Variants in ACOXL observed in about 807,000 individuals in gnomAD.
The protein encoded by ACOXL is acyl-CoA oxidase like.
In ACOXL, 70 loss-of-function variants were observed where a neutral mutation model predicts 71.9. That is an observed-to-expected ratio of 0.97 (90% CI 0.80 to 1.19). ACOXL has a LOEUF of 1.19. Ranked by LOEUF, ACOXL falls within the 50% of genes most tolerant of loss-of-function variation. The pLI, the probability that ACOXL is intolerant of heterozygous loss-of-function variation, is 0.00. For synonymous variants in ACOXL, 253 were observed against 281.6 expected, an observed-to-expected ratio of 0.90 and a Z score of 1.02; for missense variants, 703 against 736.3, an observed-to-expected ratio of 0.95 and a Z score of 0.52.
intron 1 of ACOXL, among the ~76,000 whole-genome samples, chr2:110,760,206 C>A (rs183357295): frequency 5.1e-4 from 77 of 150,316 alleles, no homozygotes; most frequent in Admixed American, 4.2e-3. Flanking sequence ...GTGGTGCAAT[C>A]TCGGCTCACT....
chr2:111,046,145 C>T lies in ACOXL; in HGVS notation c.1370-3073C>T, dbSNP rs560838168. On this transcript the variant is annotated intron_variant, in intron 15 of 17. Transcript: ENST00000439055. ...GGGGAGACTTAGAGAAATCTTTGTA[C>T]AGGAACCTAAGATGGAGTGCAGACT... 1.8e-4 allele frequency among the ~76,000 whole-genome samples: 28 copies of T among 152,344 alleles called. No homozygotes were observed. In the East Asian group the frequency reaches 5.4e-3, roughly 29 times the overall value.
chr2:111,078,213 G>T (rs973915304), intron 16 of ACOXL, among the ~76,000 whole-genome samples: 8 of 151,804 alleles, frequency 5.3e-5, no homozygotes, highest in African/African-American at 1.9e-4. Flanking sequence ...TTTTAATCAG[G>T]TTACTTTTCA....
At chr2:110,855,252 G>C (rs1693094837) in intron 10 of ACOXL, among the ~76,000 whole-genome samples, 1 of 152,246 alleles carries the variant, frequency 6.6e-6, no homozygotes, top group Admixed American at 6.5e-5. Context: ...GGAGACATCA[G>C]TGTGCAATGC....
At chr2:110,781,573 T>G (rs1348560593) in intron 2 of ACOXL, among the ~76,000 whole-genome samples, 2 of 151,178 alleles carry the variant, frequency 1.3e-5, no homozygotes, top group African/African-American at 4.9e-5. Flanking sequence ...CCCTGGGAGG[T>G]GGAGGTTGCA....
Position 110,741,647 on chromosome 2 carries a change from G to A in ACOXL, c.-23+8873G>A, listed in dbSNP as rs148439787. On this transcript the variant is annotated intron_variant, in intron 1 of 17. Coordinates refer to ENST00000439055, the MANE Select transcript of ACOXL (RefSeq NM_001142807.4). ...GAAAGTCATTTCTTGAGAAGTGCTG[G>A]ATCCCCAAGCCTAGCACAGTGGTTG... 3.7e-3 allele frequency among the ~76,000 whole-genome samples: 571 copies of A among 152,270 alleles called. 1 individual carries two copies. Among genetic ancestry groups the A allele is most frequent in the Non-Finnish European group, 6.9e-3 (467 of 68,028 alleles).
chr2:111,005,961 T>TA (rs1025145223), intron 14 of ACOXL, among the ~76,000 whole-genome samples: 24 of 152,206 alleles, frequency 1.6e-4, no homozygotes, highest in African/African-American at 5.8e-4. Context: ...CTGTGTTTGT[T>TA]ACGTTTTTAA....
At chr2:110,869,448 G>C (rs182642641) in intron 10 of ACOXL, among the ~76,000 whole-genome samples, 1 of 152,324 alleles carries the variant, frequency 6.6e-6, no homozygotes, top group Non-Finnish European at 1.5e-5. Context: ...TTAACCTTCT[G>C]TTTGGAGGCT....
intron 9 of ACOXL, among the ~76,000 whole-genome samples, chr2:110,811,730 T>TAC (rs780039810): frequency 0.083 from 8,380 of 101,494 alleles, 464 homozygotes; most frequent in Middle Eastern, 0.11. Flanking sequence ...TTTTTTTGCA[T>TAC]ACACACACAC....
At chr2:110,890,024 A>G (rs1697763413) in intron 10 of ACOXL, among the ~76,000 whole-genome samples, 1 of 152,206 alleles carries the variant, frequency 6.6e-6, no homozygotes, top group Admixed American at 6.5e-5. Flanking sequence ...GTATCTGATT[A>G]GGATTTTGAT....
rs760791943 is a variant in ACOXL, at chr2:110,801,719, G to C, written c.615G>C (p.Leu205=). 1 of 1,613,568 alleles carries C rather than the reference G, an allele frequency of 6.2e-7. No homozygotes were observed. Among genetic ancestry groups the C allele is most frequent in the East Asian group, 2.2e-5 (1 of 44,902 alleles). The change falls in exon 8 of 18, where the codon CTG becomes CTC. Residue 205 remains leucine, a synonymous_variant. Coordinates refer to ENST00000439055, the MANE Select transcript of ACOXL (RefSeq NM_001142807.4). ...DKVRIPRENL[L]DKFGSVAPDG... is the part of the protein sequence containing the mutation. ...TTCGGATACCCAGGGAGAACCTGCT[G>C]GATAAGTGAGTAGTTTCTCCTTAAC...
chr2:111,091,818 G>A (rs746100336), intron 16 of ACOXL, among the ~76,000 whole-genome samples: 2 of 152,124 alleles, frequency 1.3e-5, no homozygotes, highest in Non-Finnish European at 2.9e-5. Context: ...AATAGTTGAG[G>A]CTCCTCATAA....
chr2:111,082,090 C>G (rs1036945779), intron 16 of ACOXL, among the ~76,000 whole-genome samples: 1 of 152,162 alleles, frequency 6.6e-6, no homozygotes, highest in African/African-American at 2.4e-5. Flanking sequence ...TAGGCAATAG[C>G]ATTCAGGACA....
At chr2:110,764,674 G>A (rs753212633) in intron 1 of ACOXL, among the ~76,000 whole-genome samples, 7 of 152,132 alleles carry the variant, frequency 4.6e-5, no homozygotes, top group South Asian at 2.1e-4. Context: ...GGTAATGTAC[G>A]TTCATCAGCT....
At chr2:110,811,727 G>GCACACA (rs755379222) in intron 9 of ACOXL, among the ~76,000 whole-genome samples, 2 of 29,294 alleles carry the variant, frequency 6.8e-5, no homozygotes, top group Middle Eastern at 0.019. Context: ...TGTTTTTTTT[G>GCACACA]CATACACACA....
intron 11 of ACOXL, among the ~76,000 whole-genome samples, chr2:110,918,879 T>C (rs1159671630): frequency 5.3e-5 from 8 of 152,150 alleles, no homozygotes; most frequent in African/African-American, 1.4e-4. Context: ...GTTAGAATGG[T>C]GATCATTAAA....
At chr2:111,022,827 C>G (rs1309481803) in intron 14 of ACOXL, among the ~76,000 whole-genome samples, 1 of 152,052 alleles carries the variant, frequency 6.6e-6, no homozygotes, top group Non-Finnish European at 1.5e-5. Flanking sequence ...ACTGGCGACA[C>G]TTACTACAGA....
rs1363442138 is a variant in ACOXL, at chr2:110,999,941, A to G, written c.1281+3937A>G. ...CCAGGCTTCAGAAACTGTGTGCATA[A>G]TGAACACTTGGTGTAATCCACTAGG... On this transcript the variant is annotated intron_variant, in intron 14 of 17. Coordinates refer to ENST00000439055, the MANE Select transcript of ACOXL (RefSeq NM_001142807.4). Among the ~76,000 whole-genome samples the G allele has an allele frequency of 1.1e-4, 16 of 152,330 alleles. No homozygotes were observed. The East Asian group carries it at 2.9e-3, about 28-fold the overall frequency.
At chr2:110,750,834 C>T (rs562299282) in intron 1 of ACOXL, among the ~76,000 whole-genome samples, 1 of 151,832 alleles carries the variant, frequency 6.6e-6, no homozygotes, top group South Asian at 2.1e-4. Context: ...GTAGCTGAGA[C>T]TACAGGTGCC....
At chr2:110,849,704 G>C (rs1303928622) in intron 10 of ACOXL, among the ~76,000 whole-genome samples, 1 of 152,204 alleles carries the variant, frequency 6.6e-6, no homozygotes, top group Non-Finnish European at 1.5e-5. Context: ...GTTGCAGTGA[G>C]CCGCGATTGC....
Sources: allele counts gnomAD v4.1 joint callset (sites outside exome capture counted in the v4.1 genomes callset), GRCh38; gene constraint gnomAD v4.1.1; transcripts MANE v1.5; gene names NCBI Gene and HGNC (gene_info 2026-07-23, HGNC 2026-07-21).